The following OGFOD1 variants were observed in gnomAD, a reference collection of about 807,000 sequenced individuals.
The protein encoded by OGFOD1 is 2-oxoglutarate and iron dependent oxygenase domain containing 1.
Under a neutral mutation model 67.7 loss-of-function variants are expected in OGFOD1, and 54 were observed. That is an observed-to-expected ratio of 0.80 (90% CI 0.64 to 1.00). The LOEUF is 1.00. Among genes scored for constraint, OGFOD1 ranks in the 50% least tolerant of loss-of-function variants. The pLI, the probability that OGFOD1 is intolerant of heterozygous loss-of-function variation, is 0.00. For synonymous variants in OGFOD1, 221 were observed against 227.0 expected, an observed-to-expected ratio of 0.97 and a Z score of 0.24; for missense variants, 606 against 646.7, an observed-to-expected ratio of 0.94 and a Z score of 0.68.
chr16:56,469,663 C>CTGACT, intron 8 of OGFOD1, among the ~76,000 whole-genome samples: 2 of 151,902 alleles, frequency 1.3e-5, no homozygotes, highest in South Asian at 4.2e-4. Context: ...CGAGACCAGC[C>CTGACT]AACATGGAGA....
chr16:56,466,285 T>C lies in OGFOD1; in HGVS notation c.565+17T>C. 1 of 1,506,140 alleles carries C rather than the reference T, an allele frequency of 6.6e-7. No homozygotes were observed. Among genetic ancestry groups the C allele is most frequent in the African/African-American group, 1.4e-5 (1 of 73,050 alleles). The allele number at this position is 1,506,140 out of a possible 1,614,324, so 93.3% of individuals were successfully genotyped here. On this transcript the variant is annotated intron_variant, in intron 5 of 12. Transcript: ENST00000566157. ...GCATTGATGGTAAGATAAGTATAAGTGCATGCACTTCACCACCAGTGGCAC... is the reference window on the plus strand; with the variant it reads ...GCATTGATGGTAAGATAAGTATAAGCGCATGCACTTCACCACCAGTGGCAC...
intron 2 of OGFOD1, among the ~76,000 whole-genome samples, chr16:56,453,958 T>C (rs920967189): frequency 1.2e-4 from 19 of 152,268 alleles, no homozygotes; most frequent in African/African-American, 4.1e-4. Context: ...ATTAAGCCGA[T>C]GAGTAAGTAT....
chr16:56,475,791 T>C lies in OGFOD1; in HGVS notation c.1467+226T>C, dbSNP rs369903054. Among the ~76,000 whole-genome samples, 8 of 152,354 alleles carry C rather than the reference T, an allele frequency of 5.3e-5. No homozygotes were observed. The South Asian group carries it at 1.5e-3, about 28-fold the overall frequency. ...CTGAGAAATTCCAAATTAAGAGCCA[T>C]GTGGTGCATTCCCACAAATCTTACA... On this transcript the variant is annotated intron_variant, in intron 12 of 12. Coordinates refer to ENST00000566157, the MANE Select transcript of OGFOD1 (RefSeq NM_018233.4).
rs1460776786 is a variant in OGFOD1 at position 56,479,096 on chromosome 16, C to A, written c.*2891C>A. On this transcript the variant is annotated 3_prime_UTR_variant, in exon 13 of 13. Transcript: ENST00000566157. ...TTTCAGATAAAAGCTATGATGTTCA[C>A]CTGTAAAATATATGGTTTCTCTCTT... is the stretch of plus-strand genomic sequence containing the variant. The A allele has an allele frequency of 6.6e-6, 1 of 152,174 alleles. No homozygotes were observed. Among genetic ancestry groups the A allele is most frequent in the Non-Finnish European group, 1.5e-5 (1 of 68,026 alleles). The allele number at this position is 152,174 out of a possible 1,614,324, so 9.4% of individuals were successfully genotyped here.
rs56388148 is a variant in OGFOD1, at chr16:56,463,384, G to GTTTTTTTT, written c.448+773_448+780dup. 2.3e-3 allele frequency among the ~76,000 whole-genome samples: 100 copies of GTTTTTTTT among 43,812 alleles called. 2 individuals are homozygous for GTTTTTTTT. Among genetic ancestry groups the GTTTTTTTT allele is most frequent in the South Asian group, 4.3e-3 (3 of 704 alleles). 28.7% of individuals were successfully genotyped at this position (43,812 alleles called of 152,430 possible). A position where few individuals can be genotyped will look rare whatever the true frequency, so the allele number is the denominator to read the frequency against. On this transcript the variant is annotated intron_variant, in intron 4 of 12. Transcript: ENST00000566157. Reference sequence around the variant, plus strand: ...TACTGCCATGTCATTTCTTTTTTGGGTTTTTTTTTTTTTTTTTTTTTTTTT... The same window carrying GTTTTTTTT: ...TACTGCCATGTCATTTCTTTTTTGGGTTTTTTTTTTTTTTTTTTTTTTTTTTTTTTTTT...
intron 4 of OGFOD1, among the ~76,000 whole-genome samples, chr16:56,465,364 G>C (rs183255172): frequency 6.6e-6 from 1 of 152,184 alleles, no homozygotes; most frequent in East Asian, 1.9e-4. Context: ...TTGATTCCTC[G>C]AGTTCCAATT....
At chr16:56,459,277 T>C (rs1596969212) in intron 3 of OGFOD1, among the ~76,000 whole-genome samples, 1 of 151,518 alleles carries the variant, frequency 6.6e-6, no homozygotes, top group African/African-American at 2.4e-5. Context: ...GAGGTGGAGG[T>C]TGGGGTGAGC....
At chr16:56,464,982 A>G (rs954639587) in intron 4 of OGFOD1, among the ~76,000 whole-genome samples, 1 of 151,228 alleles carries the variant, frequency 6.6e-6, no homozygotes, top group Non-Finnish European at 1.5e-5. Flanking sequence ...ACACACATAC[A>G]TTTACATTTG....
intron 7 of OGFOD1, 94 bp from the exon 8 acceptor site, chr16:56,467,811 G>T: frequency 1.4e-6 from 1 of 724,328 alleles, no homozygotes; most frequent in South Asian, 1.5e-5. Flanking sequence ...TATAAAATGA[G>T]GATTTGCATG....
At chr16:56,469,280 C>T (rs1175455074) in intron 8 of OGFOD1, among the ~76,000 whole-genome samples, 1 of 152,132 alleles carries the variant, frequency 6.6e-6, no homozygotes, top group Non-Finnish European at 1.5e-5. Flanking sequence ...CCTAGAGAAT[C>T]GGAATTGTTA....
In OGFOD1 at chr16:56,467,939, A is replaced by G. The variant is rs1179473277; in HGVS notation, c.821A>G (p.Tyr274Cys). The G allele has an allele frequency of 6.2e-7, 1 of 1,606,966 alleles. No individual in the cohort carries two copies. The highest frequency in any genetic ancestry group is 8.5e-7 in the Non-Finnish European group (1 of 1,173,542). The change falls in exon 8 of 13, where the codon TAT becomes TGT. Residue 274 changes from tyrosine to cysteine, a missense_variant. By Grantham distance (194) the Tyr-to-Cys change is radical (BLOSUM62 -2). Coordinates refer to ENST00000566157, the MANE Select transcript of OGFOD1 (RefSeq NM_018233.4). ...EILYDWINPT[Y>C]LDMDYQVQIQ... Reference sequence around the variant, plus strand: ...TTGTATGATTGGATCAACCCTACTTATCTGGACATGGATTACCAAGTTCAA... The same window carrying G: ...TTGTATGATTGGATCAACCCTACTTGTCTGGACATGGATTACCAAGTTCAA...
Position 56,477,832 on chromosome 16 carries a change from TCTTTC to T in OGFOD1, c.*1628_*1632del, listed in dbSNP as rs1453362170. ...CCTTTAAACTTCTTAACTACTCTTC[TCTTTC>T]ATCTCCTAAAACTTTTGAGTATTCA... On this transcript the variant is annotated 3_prime_UTR_variant, in exon 13 of 13. Coordinates refer to ENST00000566157, the MANE Select transcript of OGFOD1 (RefSeq NM_018233.4). 1 of 152,236 alleles carries T rather than the reference TCTTTC, an allele frequency of 6.6e-6. No homozygotes were observed. Among genetic ancestry groups the T allele is most frequent in the East Asian group, 1.9e-4 (1 of 5,200 alleles). 9.4% of individuals were successfully genotyped at this position (152,236 alleles called of 1,614,324 possible).
Position 56,476,252 on chromosome 16 carries a change from G to T in OGFOD1, c.*47G>T. On this transcript the variant is annotated 3_prime_UTR_variant, in exon 13 of 13. Transcript: ENST00000566157. Reference sequence around the variant, plus strand: ...AAAAATGTGACCCTTCGTAATTACTGGGAAGTCTGAAAGAGCTAAGCATGG... The same window carrying T: ...AAAAATGTGACCCTTCGTAATTACTTGGAAGTCTGAAAGAGCTAAGCATGG... The T allele has an allele frequency of 6.4e-7, 1 of 1,569,680 alleles. No individual in the cohort carries two copies. Among genetic ancestry groups the T allele is most frequent in the South Asian group, 1.2e-5 (1 of 85,072 alleles).
rs774366902 is a variant in OGFOD1 at position 56,458,492 on chromosome 16, TTG to T, written c.301-50_301-49del. ...AGAACACTCACTAAACTGCTCTCCT[TTG>T]TGTGTCTCTTATGTGAAGGAAATCC... On this transcript the variant is annotated intron_variant, in intron 2 of 12. Transcript: ENST00000566157. The T allele has an allele frequency of 4.7e-6, 7 of 1,501,240 alleles. No homozygotes were observed. The African/African-American group carries it at 6.9e-5, about 15-fold the overall frequency. The allele number at this position is 1,501,240 out of a possible 1,614,324, so 93.0% of individuals were successfully genotyped here.
rs1187772925 is a variant in OGFOD1, at chr16:56,476,215, G to A, written c.*10G>A. The A allele has an allele frequency of 1.2e-6, 2 of 1,603,326 alleles. No individual in the cohort carries two copies. The highest frequency in any genetic ancestry group is 2.7e-5 in the African/African-American group (2 of 73,984). ...CATCTATTATGAATGACAGCACTGG[G>A]CAAAGCTGAACAAAAATGTGACCCT... On this transcript the variant is annotated 3_prime_UTR_variant, in exon 13 of 13. Transcript: ENST00000566157.
intron 4 of OGFOD1, 102 bp downstream of exon 4, chr16:56,462,736 C>CT (rs756346020): frequency 3.3e-5 from 23 of 704,082 alleles, no homozygotes; most frequent in Non-Finnish European, 4.9e-5. Flanking sequence ...CTGAATGTCC[C>CT]TGCAAAGCAT....
Position 56,471,903 on chromosome 16 carries a change from G to A in OGFOD1, c.1285+1112G>A, listed in dbSNP as rs1041125377. Among the ~76,000 whole-genome samples the A allele has an allele frequency of 2.0e-5, 3 of 152,198 alleles. No homozygotes were observed. In the East Asian group the frequency reaches 5.8e-4, roughly 29 times the overall value. On this transcript the variant is annotated intron_variant, in intron 10 of 12. Transcript: ENST00000566157. ...TAGACCCTAAGAGGAACCAGAGTCA[G>A]TATCCATGGAGTCTGTCTCAAAGGG... is the stretch of plus-strand genomic sequence containing the variant.
At chr16:56,473,331 C>T (rs1963292308) in intron 10 of OGFOD1, among the ~76,000 whole-genome samples, 1 of 152,206 alleles carries the variant, frequency 6.6e-6, no homozygotes, top group African/African-American at 2.4e-5. Context: ...ACACCGTTCT[C>T]TAGTATACTT....
intron 10 of OGFOD1, 40 bp from the exon 11 acceptor site, chr16:56,474,788 G>T: frequency 6.4e-7 from 1 of 1,568,782 alleles, no homozygotes; most frequent in Non-Finnish European, 8.7e-7. Context: ...TTCTATCAAG[G>T]TTATTTTTTA....
Sources: gnomAD v4.1 joint callset for allele counts (sites outside exome capture counted in the v4.1 genomes callset) on GRCh38, gnomAD v4.1.1 for gene constraint, MANE v1.5 for transcripts, NCBI Gene and HGNC (gene_info 2026-07-23, HGNC 2026-07-21) for gene names.